Variants in RC3H1 observed in about 807,000 individuals in gnomAD.
The protein encoded by RC3H1 is ring finger and CCCH-type domains 1.
In RC3H1, 50 loss-of-function variants were observed where a neutral mutation model predicts 138.2. The observed-to-expected ratio is 0.36, with a 90% CI of 0.29 to 0.46. The LOEUF (loss-of-function observed/expected upper bound fraction) is 0.46, where lower values mean the gene tolerates loss of function less well. Ranked by LOEUF, RC3H1 falls within the 20% of genes least tolerant of loss-of-function variation. RC3H1 has a pLI of 1.00. For missense variants in RC3H1, 1,031 were observed against 1,388.1 expected, an observed-to-expected ratio of 0.74 and a Z score of 4.09; for synonymous variants, 462 against 489.1, an observed-to-expected ratio of 0.94 and a Z score of 0.73.
At chr1:173,964,725 G>T in intron 10 of RC3H1, 114 bp downstream of exon 10, 2 of 1,055,158 alleles carry the variant, frequency 1.9e-6, no homozygotes, top group Non-Finnish European at 2.7e-6. Flanking sequence ...CAAAATAAAG[G>T]CCAAAAAAAA....
chr1:174,018,727 A>G (rs1282665877), intron 1 of RC3H1, among the ~76,000 whole-genome samples: 1 of 152,212 alleles, frequency 6.6e-6, no homozygotes, highest in South Asian at 2.1e-4. Flanking sequence ...AATCCTGCAG[A>G]ATACCTGAAC....
chr1:173,975,533 T>C (rs145710487), intron 7 of RC3H1, among the ~76,000 whole-genome samples: 2 of 152,138 alleles, frequency 1.3e-5, no homozygotes, highest in African/African-American at 4.8e-5. Flanking sequence ...ATAATATGTC[T>C]TCATACAAAT....
chr1:173,963,570 A>C (rs951308723), intron 11 of RC3H1, among the ~76,000 whole-genome samples: 1 of 152,208 alleles, frequency 6.6e-6, no homozygotes, highest in Non-Finnish European at 1.5e-5. Flanking sequence ...AATAATAATT[A>C]AAAGAAGAAA....
chr1:173,970,631 C>T lies in RC3H1; in HGVS notation c.1222-14G>A, dbSNP rs201125491. 1.3e-6 allele frequency: 2 copies of T among 1,564,588 alleles called. No individual in the cohort carries two copies. The highest frequency in any genetic ancestry group is 4.5e-5 in the East Asian group (2 of 44,394). On this transcript the variant is annotated splice_polypyrimidine_tract_variant and intron_variant, in intron 8 of 19. Transcript: ENST00000367696. Reference sequence around the variant, plus strand: ...ATGCTGTGGAGGCTAAAACCAAAATCAAAACATTAGATGTGTAATAACCCC... The same window carrying T: ...ATGCTGTGGAGGCTAAAACCAAAATTAAAACATTAGATGTGTAATAACCCC...
At chr1:173,954,934 C>A (rs1480641877) in intron 13 of RC3H1, among the ~76,000 whole-genome samples, 3 of 151,870 alleles carry the variant, frequency 2.0e-5, no homozygotes, top group African/African-American at 7.3e-5. Flanking sequence ...AAGAAAGAAA[C>A]CACAATCTTA....
Position 173,972,591 on chromosome 1 carries a change from C to T in RC3H1, c.1139G>A (p.Gly380Glu). ...PPPTWEQLENGLVAVRTVVHG... is the reference protein window; with the variant it reads ...PPPTWEQLENELVAVRTVVHG... ...TACCACTGTACGCACAGCAACCAGCCCATTTTCCAGCTGTTCCCAAGTAGG... is the reference window on the plus strand; with the variant it reads ...TACCACTGTACGCACAGCAACCAGCTCATTTTCCAGCTGTTCCCAAGTAGG... Residue 380 changes from glycine to glutamate, a missense_variant, in exon 8 of 20, where the codon GGG becomes GAG. This residue lies in a region of RC3H1 where 142 missense variants were observed against 224.6 expected (regional missense o/e 0.63). Transcript: ENST00000367696. The T allele has an allele frequency of 6.2e-7, 1 of 1,614,018 alleles. No individual in the cohort carries two copies. The highest frequency in any genetic ancestry group is 8.5e-7 in the Non-Finnish European group (1 of 1,179,910).
Position 173,964,276 on chromosome 1 carries a change from A to G in RC3H1, c.1617-89T>C. 3.7e-6 allele frequency: 4 copies of G among 1,071,604 alleles called. No homozygotes were observed. The South Asian group carries it at 5.7e-5, about 15-fold the overall frequency. The allele number at this position is 1,071,604 out of a possible 1,614,324, so 66.4% of individuals were successfully genotyped here. A position where few individuals can be genotyped will look rare whatever the true frequency, so the allele number is the denominator to read the frequency against. ...GTAAAAAAGATTGCTACAATTTGGG[A>G]AACTCACTTATTCTAATAGTCCTCC... On this transcript the variant is annotated intron_variant, in intron 10 of 19. Coordinates refer to ENST00000367696, the MANE Select transcript of RC3H1 (RefSeq NM_172071.4).
chr1:173,956,667 T>TAAAAAAAA (rs75866304), intron 13 of RC3H1, among the ~76,000 whole-genome samples: 66 of 84,388 alleles, frequency 7.8e-4, no homozygotes, highest in Non-Finnish European at 9.2e-4. Flanking sequence ...CTCAAAAAAT[T>TAAAAAAAA]AAAAAAAAAA....
chr1:174,015,924 G>A (rs2103108355), intron 1 of RC3H1: 1 of 152,056 alleles, frequency 6.6e-6, no homozygotes, highest in South Asian at 2.1e-4. Context: ...AGTTCGGCCG[G>A]GTGCAGTGGC....
chr1:173,941,413 A>G (rs1027700807), intron 18 of RC3H1, 33 bp from the exon 19 acceptor site: 1 of 1,362,958 alleles, frequency 7.3e-7, no homozygotes, highest in African/African-American at 1.4e-5. Flanking sequence ...ATCAGTTATC[A>G]TCTATTTAAT....
chr1:173,950,559 A>G lies in RC3H1; in HGVS notation c.2523+1427T>C, dbSNP rs1422140408. On this transcript the variant is annotated intron_variant, in intron 14 of 19. Coordinates refer to ENST00000367696, the MANE Select transcript of RC3H1 (RefSeq NM_172071.4). ...AGCTGTGATTGTGACACTGTACTCC[A>G]GCATGAGGGAGATCCTGTCTTAGGG... Among the ~76,000 whole-genome samples, 6 of 151,634 alleles carry G rather than the reference A, an allele frequency of 4.0e-5. No individual in the cohort carries two copies. In the East Asian group the frequency reaches 9.7e-4, roughly 25 times the overall value.
chr1:173,956,667 T>TAAAAA (rs75866304), intron 13 of RC3H1, among the ~76,000 whole-genome samples: 22 of 84,842 alleles, frequency 2.6e-4, no homozygotes, highest in South Asian at 1.1e-3. Context: ...CTCAAAAAAT[T>TAAAAA]AAAAAAAAAA....
intron 1 of RC3H1, among the ~76,000 whole-genome samples, chr1:174,002,364 A>G (rs1661580260): frequency 6.6e-6 from 1 of 152,222 alleles, no homozygotes; most frequent in South Asian, 2.1e-4. Flanking sequence ...AAGAAAATCT[A>G]ACCTGTGCCT....
intron 1 of RC3H1, among the ~76,000 whole-genome samples, chr1:174,013,632 G>A (rs775021540): frequency 6.6e-6 from 1 of 151,934 alleles, no homozygotes; most frequent in Non-Finnish European, 1.5e-5. Context: ...AGTAGAGACA[G>A]GGTTTCACCA....
At chr1:173,943,688 C>T in intron 17 of RC3H1, 73 bp from the exon 18 acceptor site, 1 of 1,436,640 alleles carries the variant, frequency 7.0e-7, no homozygotes, top group East Asian at 2.4e-5. Flanking sequence ...AGGCTCAATT[C>T]CAGACCACAG....
chr1:173,974,960 G>C (rs78935219), intron 7 of RC3H1, among the ~76,000 whole-genome samples: 1 of 152,190 alleles, frequency 6.6e-6, no homozygotes, highest in Non-Finnish European at 1.5e-5. Context: ...TATACATTAT[G>C]AGAGAAAGAA....
intron 13 of RC3H1, among the ~76,000 whole-genome samples, chr1:173,955,098 C>A (rs1382265769): frequency 6.6e-6 from 1 of 150,532 alleles, no homozygotes; most frequent in Admixed American, 6.6e-5. Context: ...TGGTGGCGGG[C>A]GCCTGTAATC....
rs912457915 is a variant in RC3H1, at chr1:173,956,599, C to T, written c.2371-4461G>A. On this transcript the variant is annotated intron_variant, in intron 13 of 19. Coordinates refer to ENST00000367696, the MANE Select transcript of RC3H1 (RefSeq NM_172071.4). ...ACTTGAACCCAGGAGGCGGAGTTTG[C>T]GGTGAGCCGAGATCGCGCCATTGCA... Among the ~76,000 whole-genome samples the T allele has an allele frequency of 6.8e-5, 10 of 147,336 alleles. No individual in the cohort carries two copies. The East Asian group carries it at 1.0e-3, about 15-fold the overall frequency.
intron 1 of RC3H1, among the ~76,000 whole-genome samples, chr1:174,012,974 G>C (rs1176548293): frequency 6.6e-6 from 1 of 151,544 alleles, no homozygotes; most frequent in Admixed American, 6.6e-5. Context: ...GACTATTATA[G>C]AATGCTGCAA....
Sources: allele counts gnomAD v4.1 joint callset (sites outside exome capture counted in the v4.1 genomes callset), GRCh38; gene constraint gnomAD v4.1.1; regional missense constraint gnomAD v4.1.1; transcripts MANE v1.5; gene names NCBI Gene and HGNC (gene_info 2026-07-23, HGNC 2026-07-21).